GSE1: variants seen among roughly 807,000 people sequenced by gnomAD.
GSE1 encodes the protein Gse1 coiled-coil protein, also known as genetic suppressor element 1.
In GSE1, 32 loss-of-function variants were observed where a neutral mutation model predicts 112.6. The observed-to-expected ratio is 0.28, with a 90% CI of 0.21 to 0.38. GSE1 has a LOEUF of 0.38. Ranked by LOEUF, GSE1 falls within the 10% of genes least tolerant of loss-of-function variation. The pLI is 1.00. For synonymous variants in GSE1, 1,115 were observed against 735.6 expected (o/e 1.52, Z -8.35); for missense variants, 2,348 against 1,699.2 (o/e 1.38, Z -6.71).
chr16:85,656,641 G>C lies in GSE1; in HGVS notation c.1288G>C (p.Glu430Gln). The change falls in exon 7 of 16, where the codon GAG (glutamate) becomes CAG (glutamine). Residue 430 changes from glutamate (E) to glutamine (Q), a missense_variant. Glu to Gln is a conservative substitution (Grantham distance 29). Coordinates refer to ENST00000253458, the MANE Select transcript of GSE1 (RefSeq NM_014615.5). Reference protein sequence around the residue: ...HATEERGKPSEQLTPTRAEKL... With the variant: ...HATEERGKPSQQLTPTRAEKL... ...CACTGAGGAGCGGGGCAAGCCCTCG[G>C]AGCAGCTGACCCCAACCCGAGCAGG... is the stretch of plus-strand genomic sequence containing the variant. 1.3e-6 allele frequency: 2 copies of C among 1,531,892 alleles called. No homozygotes were observed. The highest frequency in any genetic ancestry group is 1.8e-6 in the Non-Finnish European group (2 of 1,137,812). The allele number at this position is 1,531,892 out of a possible 1,614,324, so 94.9% of individuals were successfully genotyped here.
In GSE1 at chr16:85,311,619, G is replaced by A. The variant is rs2045850817; in HGVS notation, c.2284-45844G>A. ...CATGGGCTTCTGCTTCGGTGCCCCT[G>A]GGGGTCCTTCTCCAGGGCCCCTTGG... On this transcript the variant is annotated intron_variant, in intron 1 of 2. Transcript: ENST00000637419. This position sits in a 1 kb window ranked among gnomAD's most constrained non-coding sequence, Gnocchi z 4.2. Among the ~76,000 whole-genome samples the A allele has an allele frequency of 8.5e-6, 1 of 117,606 alleles. No individual in the cohort carries two copies. Among genetic ancestry groups the A allele is most frequent in the Non-Finnish European group, 1.8e-5 (1 of 56,112 alleles). 77.2% of individuals were successfully genotyped at this position (117,606 alleles called of 152,430 possible).
In GSE1 at chr16:85,527,735, AGAGC is replaced by A. The variant is rs145751716; in HGVS notation, c.2465-106177_2465-106174del. 2.0e-3 allele frequency among the ~76,000 whole-genome samples: 312 copies of A among 152,348 alleles called. 1 individual carries two copies. The highest frequency in any genetic ancestry group is 7.2e-3 in the African/African-American group (300 of 41,578). On this transcript the variant is annotated intron_variant, in intron 2 of 2. Coordinates refer to the GSE1 transcript ENST00000637419. Reference sequence around the variant, plus strand: ...GATTGCACAGCCTGTGCTCTGGAAGAGAGCGCACGGGCTTGCCCACACCGATGGA... The same window carrying A: ...GATTGCACAGCCTGTGCTCTGGAAGAGCACGGGCTTGCCCACACCGATGGA...
At chr16:85,218,082 A>G (rs1019048392) in intron 1 of GSE1, among the ~76,000 whole-genome samples, 1 of 151,944 alleles carries the variant, frequency 6.6e-6, no homozygotes, top group Non-Finnish European at 1.5e-5. Flanking sequence ...TTGTATTTTT[A>G]GTAGAGATGG....
At chr16:85,583,918 T>A (rs2046567844) in intron 1 of GSE1, among the ~76,000 whole-genome samples, 1 of 152,200 alleles carries the variant, frequency 6.6e-6, no homozygotes, top group Admixed American at 6.5e-5. Context: ...AAGACAGTGA[T>A]GGTCCAGTGA....
At chr16:85,361,909 G>A (rs965506528) in intron 2 of GSE1, among the ~76,000 whole-genome samples, 3 of 152,248 alleles carry the variant, frequency 2.0e-5, no homozygotes, top group Non-Finnish European at 4.4e-5. Flanking sequence ...CACTACGGTC[G>A]GATAGGGCCA....
intron 2 of GSE1, among the ~76,000 whole-genome samples, chr16:85,499,371 C>T (rs1309903804): frequency 7.6e-6 from 1 of 130,828 alleles, no homozygotes; most frequent in African/African-American, 2.9e-5. Context: ...AGTGCAGTGG[C>T]GTGATCTCGG....
chr16:85,203,335 A>C (rs765796366), intron 1 of GSE1, among the ~76,000 whole-genome samples: 2 of 152,156 alleles, frequency 1.3e-5, no homozygotes, highest in Non-Finnish European at 2.9e-5. Flanking sequence ...ACCTGTGTCC[A>C]GGTCCAGTCT....
chr16:85,416,735 C>T (rs1267019972), intron 2 of GSE1, among the ~76,000 whole-genome samples: 1 of 152,262 alleles, frequency 6.6e-6, no homozygotes, highest in Non-Finnish European at 1.5e-5. Flanking sequence ...ATTACAGGTT[C>T]CCTGGGTCAC....
At chr16:85,554,374 T>G (rs1301212456), upstream of GSE1, among the ~76,000 whole-genome samples, 1 of 152,132 alleles carries the variant, frequency 6.6e-6, no homozygotes, top group African/African-American at 2.4e-5. Flanking sequence ...TTGATCGTTT[T>G]CTTAAACCAA....
chr16:85,337,518 G>A (rs571046901), intron 1 of GSE1, among the ~76,000 whole-genome samples: 2 of 152,154 alleles, frequency 1.3e-5, no homozygotes, highest in South Asian at 4.2e-4. Context: ...TGTTAGCCAG[G>A]ATGGTCTCGA....
At chr16:85,510,296 C>T (rs1425752002) in intron 2 of GSE1, among the ~76,000 whole-genome samples, 1 of 152,230 alleles carries the variant, frequency 6.6e-6, no homozygotes, top group Non-Finnish European at 1.5e-5. Flanking sequence ...TGAGGCCCAG[C>T]ACGAAAGACT....
At chr16:85,413,869 T>C (rs2048642867) in intron 2 of GSE1, among the ~76,000 whole-genome samples, 1 of 152,176 alleles carries the variant, frequency 6.6e-6, no homozygotes, top group South Asian at 2.1e-4. Flanking sequence ...TGTACTGTTC[T>C]CGTGATAGTG....
chr16:85,337,041 C>T (rs2046505097), intron 1 of GSE1, among the ~76,000 whole-genome samples: 1 of 152,170 alleles, frequency 6.6e-6, no homozygotes, highest in Admixed American at 6.5e-5. Context: ...GCGCTTGATG[C>T]ACACTGACAC....
At chr16:85,374,774 G>A (rs538182974) in intron 2 of GSE1, among the ~76,000 whole-genome samples, 3 of 152,092 alleles carry the variant, frequency 2.0e-5, no homozygotes, top group South Asian at 2.1e-4. Context: ...ACGCAGTTTC[G>A]GGACCCTCGC....
intron 1 of GSE1, among the ~76,000 whole-genome samples, chr16:85,271,754 A>G (rs1402955956): frequency 6.6e-6 from 1 of 152,148 alleles, no homozygotes; most frequent in Non-Finnish European, 1.5e-5. Flanking sequence ...CCTGTGACAG[A>G]GGGGAAGTGG....
At chr16:85,520,502 A>G (rs1387043032) in intron 2 of GSE1, among the ~76,000 whole-genome samples, 1 of 148,816 alleles carries the variant, frequency 6.7e-6, no homozygotes, top group Non-Finnish European at 1.5e-5. Flanking sequence ...GCTCACTGCA[A>G]CCTCAGCCTC....
intron 1 of GSE1, among the ~76,000 whole-genome samples, chr16:85,205,053 T>TAGA (rs1277999660): frequency 7.5e-5 from 8 of 107,060 alleles, no homozygotes; most frequent in African/African-American, 2.9e-4. Flanking sequence ...ACGTACGTCT[T>TAGA]GGCTCACTGG....
At chr16:85,315,205 G>A (rs2045961578) in intron 1 of GSE1, among the ~76,000 whole-genome samples, 1 of 152,164 alleles carries the variant, frequency 6.6e-6, no homozygotes, top group African/African-American at 2.4e-5. Context: ...AGGGGTGGCT[G>A]AGGGAGCAGG....
intron 2 of GSE1, among the ~76,000 whole-genome samples, chr16:85,483,974 T>A (rs1597907682): frequency 2.0e-5 from 3 of 152,084 alleles, no homozygotes; most frequent in Non-Finnish European, 2.9e-5. Flanking sequence ...GGAGGAAACC[T>A]CCTCAGCGAC....
Sources: gnomAD v4.1 joint callset for allele counts (sites outside exome capture counted in the v4.1 genomes callset) on GRCh38, gnomAD v4.1.1 for gene constraint, Gnocchi (gnomAD v3.1) non-coding constraint, MANE v1.5 for transcripts, NCBI Gene and HGNC (gene_info 2026-07-23, HGNC 2026-07-21) for gene names.